Variants in DLGAP3 observed in about 807,000 individuals in gnomAD.
DLGAP3 encodes the protein DLG associated protein 3.
A neutral mutation model predicts 81.2 loss-of-function variants in DLGAP3; 17 were observed. The observed-to-expected ratio is 0.21, with a 90% CI of 0.14 to 0.31. The LOEUF (loss-of-function observed/expected upper bound fraction) is 0.31, where lower values mean the gene tolerates loss of function less well. Among genes scored for constraint, DLGAP3 ranks in the 10% least tolerant of loss-of-function variants. The probability of loss-of-function intolerance (pLI) is 1.00; values close to 1 mark genes in which losing one functional copy is unlikely to be tolerated. For synonymous variants in DLGAP3, 577 were observed against 587.4 expected (o/e 0.98, Z 0.26); for missense variants, 1,124 against 1,388.0 (o/e 0.81, Z 3.02).
intron 1 of DLGAP3, among the ~76,000 whole-genome samples, chr1:34,915,573 C>G (rs1639704066): frequency 2.0e-5 from 3 of 152,328 alleles, no homozygotes; most frequent in Admixed American, 2.0e-4. Flanking sequence ...TCTGTGTGAG[C>G]TGAGACAGGG....
At chr1:34,882,742 C>G (rs1329131582) in intron 8 of DLGAP3, among the ~76,000 whole-genome samples, 1 of 65,100 alleles carries the variant, frequency 1.5e-5, no homozygotes, top group African/African-American at 5.2e-5. Context: ...TGCACTCCTT[C>G]TTTAACCTTT....
chr1:34,908,212 T>G (rs563185986), intron 1 of DLGAP3, among the ~76,000 whole-genome samples: 1 of 152,218 alleles, frequency 6.6e-6, no homozygotes, highest in East Asian at 1.9e-4. Flanking sequence ...CAGTCCTTAA[T>G]AAACACTCAC....
Position 34,900,292 on chromosome 1 carries a change from C to T in DLGAP3, c.1108-19G>A. 1 of 1,609,880 alleles carries T rather than the reference C, an allele frequency of 6.2e-7. No homozygotes were observed. Among genetic ancestry groups the T allele is most frequent in the East Asian group, 2.2e-5 (1 of 44,862 alleles). On this transcript the variant is annotated intron_variant, in intron 3 of 11. Coordinates refer to ENST00000373347, the MANE Select transcript of DLGAP3 (RefSeq NM_001080418.3). This position sits in a 1 kb window ranked among gnomAD's most constrained non-coding sequence, Gnocchi z 5.6. ...GCGGCACCTGCAGGAACAGGGGTCTCTGTCTCTCAGACATGACCCTAGTAA... is the reference window on the plus strand; with the variant it reads ...GCGGCACCTGCAGGAACAGGGGTCTTTGTCTCTCAGACATGACCCTAGTAA...
intron 5 of DLGAP3, among the ~76,000 whole-genome samples, chr1:34,896,703 A>C (rs1449199034): frequency 6.6e-6 from 1 of 152,210 alleles, no homozygotes; most frequent in Non-Finnish European, 1.5e-5. Flanking sequence ...AAATATGCAT[A>C]TGAAAATTAT....
Position 34,868,990 on chromosome 1 carries a change from G to A in DLGAP3, c.2100C>T (p.Asp700=), listed in dbSNP as rs1176710006. The change falls in exon 9 of 12, where the codon GAC becomes GAT. Residue 700 remains aspartate (D), a synonymous_variant. Coordinates refer to ENST00000373347, the MANE Select transcript of DLGAP3 (RefSeq NM_001080418.3). The surrounding 1 kb of genome is among the most constrained non-coding windows in gnomAD (Gnocchi z 7.5). Reference sequence around the variant, plus strand: ...AGGAGCGTCCAAACTGCAGGGCCTTGTCTTCTGTGGCCACCGTGGCCAGGC... The same window carrying A: ...AGGAGCGTCCAAACTGCAGGGCCTTATCTTCTGTGGCCACCGTGGCCAGGC... ...LAGLATVATE[D]KALQFGRSFQ... 3 of 1,608,052 alleles carry A rather than the reference G, an allele frequency of 1.9e-6. No individual in the cohort carries two copies. The highest frequency in any genetic ancestry group is 2.5e-6 in the Non-Finnish European group (3 of 1,179,748).
intron 2 of DLGAP3, among the ~76,000 whole-genome samples, chr1:34,906,311 A>G (rs1639556065): frequency 6.6e-6 from 1 of 151,982 alleles, no homozygotes; most frequent in East Asian, 1.9e-4. Flanking sequence ...ATCCACAGCC[A>G]CATCTCTACT....
Position 34,886,119 on chromosome 1 carries a change from A to G in DLGAP3, c.1553T>C (p.Leu518Pro). The G allele has an allele frequency of 2.5e-6, 4 of 1,607,214 alleles. No individual in the cohort carries two copies. The highest frequency in any genetic ancestry group is 3.4e-6 in the Non-Finnish European group (4 of 1,177,998). The change falls in exon 6 of 12, where the codon CTG becomes CCG. Residue 518 changes from leucine (L) to proline (P), a missense_variant. By Grantham distance (98) the Leu-to-Pro change is moderately conservative (BLOSUM62 -3). Around this residue, in one of 9 missense-constraint regions of DLGAP3, gnomAD observed 11 missense variants for 35.2 expected, o/e 0.31. Transcript: ENST00000373347. ...QAGCSQDDDC[L>P]PLLATPAAVS... ...AGCGGCAGGGGTAGCGAGGAGGGGC[A>G]GGCAGTCGTCGTCTTGAGAGCAGCC...
intron 8 of DLGAP3, among the ~76,000 whole-genome samples, chr1:34,872,033 G>A (rs1055082061): frequency 1.3e-5 from 2 of 152,210 alleles, no homozygotes; most frequent in African/African-American, 4.8e-5. Flanking sequence ...AACCAGCAGT[G>A]TGGGACAAGC....
At position 34,865,889 on chromosome 1, in the gene DLGAP3, C is replaced by T; in HGVS notation, c.*194G>A. ...CAGGGCGGAGAGGCACGGCCCCCTG[C>T]CCAGCCCGGGCGCCTTCGCGTGGGA... On this transcript the variant is annotated 3_prime_UTR_variant, in exon 12 of 12. Coordinates refer to ENST00000373347, the MANE Select transcript of DLGAP3 (RefSeq NM_001080418.3). The T allele has an allele frequency of 1.5e-6, 1 of 678,938 alleles. No homozygotes were observed. Among genetic ancestry groups the T allele is most frequent in the Non-Finnish European group, 2.6e-6 (1 of 378,044 alleles). The allele number at this position is 678,938 out of a possible 1,614,324, so 42.1% of individuals were successfully genotyped here.
chr1:34,917,583 T>C (rs1639736882), intron 1 of DLGAP3, among the ~76,000 whole-genome samples: 1 of 152,110 alleles, frequency 6.6e-6, no homozygotes, highest in Non-Finnish European at 1.5e-5. Flanking sequence ...TGGGCTCAAG[T>C]GATCCTCCTG....
chr1:34,883,164 T>G (rs1056393410), intron 8 of DLGAP3, among the ~76,000 whole-genome samples: 3 of 152,258 alleles, frequency 2.0e-5, no homozygotes, highest in African/African-American at 7.2e-5. Flanking sequence ...GATTATTTAT[T>G]CATTGCCTTG....
intron 1 of DLGAP3, among the ~76,000 whole-genome samples, chr1:34,914,864 C>T (rs554770713): frequency 4.6e-5 from 7 of 152,268 alleles, no homozygotes; most frequent in East Asian, 1.9e-4. Flanking sequence ...ATCTTTTTCA[C>T]GCATGCAGGA....
At chr1:34,897,604 C>A (rs1045622815) in intron 5 of DLGAP3, among the ~76,000 whole-genome samples, 3 of 152,118 alleles carry the variant, frequency 2.0e-5, no homozygotes, top group African/African-American at 7.2e-5. Flanking sequence ...TGGTTAGGTT[C>A]TTGATGTTTA....
At chr1:34,896,585 T>TCACACACACACACACACACACACACA (rs10593156) in intron 5 of DLGAP3, among the ~76,000 whole-genome samples, 1 of 146,798 alleles carries the variant, frequency 6.8e-6, no homozygotes, top group African/African-American at 2.6e-5. Flanking sequence ...CCAGACTCCA[T>TCACACACACACACACACACACACACA]CACACACACA....
At position 34,867,053 on chromosome 1, in the gene DLGAP3, G is replaced by A. The variant is rs748453831; in HGVS notation, c.2716C>T (p.Pro906Ser). 6.2e-7 allele frequency: 1 copy of A among 1,614,050 alleles called. No individual in the cohort carries two copies. Among genetic ancestry groups the A allele is most frequent in the Admixed American group, 1.7e-5 (1 of 60,014 alleles). ...LKANSWKLLE[P>S]KEEKKVPPPI... ...TGAAGGCACCCCAGCCCCACCTTAGGCTCCAGGAGTTTCCAGCTGTTGGCC... is the reference window on the plus strand; with the variant it reads ...TGAAGGCACCCCAGCCCCACCTTAGACTCCAGGAGTTTCCAGCTGTTGGCC... The change falls in exon 11 of 12, where the codon CCT (proline) becomes TCT (serine). Residue 906 changes from proline to serine, a missense_variant. Coordinates refer to ENST00000373347, the MANE Select transcript of DLGAP3 (RefSeq NM_001080418.3). The surrounding 1 kb of genome is among the most constrained non-coding windows in gnomAD (Gnocchi z 4.3).
chr1:34,905,544 T>A, intron 2 of DLGAP3, 110 bp from the exon 3 acceptor site: 1 of 773,848 alleles, frequency 1.3e-6, no homozygotes. Flanking sequence ...CAATTTATTA[T>A]GATTAATCAC....
rs1480018416 is a variant in DLGAP3, at chr1:34,902,367, T to C, written c.1107+1910A>G. Among the ~76,000 whole-genome samples, 3 of 151,720 alleles carry C rather than the reference T, an allele frequency of 2.0e-5. No individual in the cohort carries two copies. The highest frequency in any genetic ancestry group is 4.8e-5 in the African/African-American group (2 of 41,274). On this transcript the variant is annotated intron_variant, in intron 3 of 11. Transcript: ENST00000373347. The surrounding 1 kb of genome is among the most constrained non-coding windows in gnomAD (Gnocchi z 4.4). ...AAGGGGCTAGGGCTCATTTGGATGA[T>C]GGGAAACAAAGAGATGAGGCTCCAT...
chr1:34,881,507 G>C (rs1305361959), intron 8 of DLGAP3, among the ~76,000 whole-genome samples: 1 of 152,140 alleles, frequency 6.6e-6, no homozygotes, highest in Non-Finnish European at 1.5e-5. Context: ...ACATGACTGG[G>C]GGAGCTTGAA....
intron 5 of DLGAP3, among the ~76,000 whole-genome samples, chr1:34,893,149 G>T (rs1201271525): frequency 1.4e-5 from 2 of 144,864 alleles, no homozygotes; most frequent in Non-Finnish European, 3.0e-5. Context: ...TCCGCAGTCC[G>T]GCCTGGGCGA....
Sources: allele counts gnomAD v4.1 joint callset (sites outside exome capture counted in the v4.1 genomes callset), GRCh38; gene constraint gnomAD v4.1.1; regional missense constraint gnomAD v4.1.1; non-coding constraint Gnocchi (gnomAD v3.1); transcripts MANE v1.5; gene names NCBI Gene and HGNC (gene_info 2026-07-23, HGNC 2026-07-21).